Variants in CPT1B observed in about 807,000 individuals in gnomAD.
The protein encoded by CPT1B is carnitine O-palmitoyltransferase 1, muscle isoform.
Under a neutral mutation model 92.7 loss-of-function variants are expected in CPT1B, and 57 were observed. The ratio of observed to expected loss-of-function variants is 0.62; its 90% CI spans 0.50 to 0.77. The LOEUF is 0.77. Among genes scored for constraint, CPT1B ranks in the 30% least tolerant of loss-of-function variants. The pLI is 0.00. For missense variants in CPT1B, 983 were observed against 1,017.4 expected (o/e 0.97, Z 0.46); for synonymous variants, 398 against 383.5 (o/e 1.04, Z -0.44).
At chr22:50,576,005 G>A (rs746639245) in intron 7 of CPT1B, 30 bp downstream of exon 7, 22 of 1,605,432 alleles carry the variant, frequency 1.4e-5, no homozygotes, top group Non-Finnish European at 1.7e-5. Flanking sequence ...AGCTGAGCAC[G>A]TGCGGGGACC....
chr22:50,576,471 T>C (rs2070442057), intron 5 of CPT1B, 65 bp downstream of exon 5: 1 of 1,596,872 alleles, frequency 6.3e-7, no homozygotes, highest in Non-Finnish European at 8.6e-7. Context: ...CAGAACCTTA[T>C]ATTTGGAAAC....
chr22:50,572,975 A>G lies in CPT1B; in HGVS notation c.1252T>C (p.Phe418Leu), dbSNP rs992745003. Residue 418 changes from phenylalanine to leucine, a missense_variant, in exon 11 of 20, where the codon TTC (phenylalanine) becomes CTC (leucine). Transcript: ENST00000312108. ...ALEAIERAAFFVALDEESYSY... is the reference protein window; with the variant it reads ...ALEAIERAAFLVALDEESYSY... ...TAGGATTCCTCATCCAGGGCCACGA[A>G]GAAAGCGGCACGCTCGATGGCCTCC... 2 of 1,613,658 alleles carry G rather than the reference A, an allele frequency of 1.2e-6. No homozygotes were observed. The highest frequency in any genetic ancestry group is 2.7e-5 in the African/African-American group (2 of 74,928).
At position 50,577,907 on chromosome 22, in the gene CPT1B, T is replaced by C. The variant is rs2070536396; in HGVS notation, c.9A>G (p.Glu3=). The change falls in exon 2 of 20, where the codon GAA becomes GAG. Residue 3 remains glutamate (E), a synonymous_variant. Transcript: ENST00000312108. MA[E]AHQAVAFQFT... is the part of the protein sequence containing the mutation. ...ACTGGAAGGCCACGGCCTGGTGAGC[T>C]TCCGCCATCCTGGGGGTTGGTCGGC... 6.2e-7 allele frequency: 1 copy of C among 1,610,060 alleles called. No individual in the cohort carries two copies. The highest frequency in any genetic ancestry group is 1.1e-5 in the South Asian group (1 of 91,048).
rs753963691 is a variant in CPT1B at position 50,571,488 on chromosome 22, C to T, written c.1627G>A (p.Asp543Asn). The change falls in exon 14 of 20, where the codon GAC becomes AAC. Residue 543 changes from aspartate (D) to asparagine (N), a missense_variant. Transcript: ENST00000312108. ...SYQVAKALAD[D>N]VELYCFQFLP... is the part of the protein sequence containing the mutation. ...AACTGGAAGCAGTACAACTCCACGT[C>T]GTCTGCCAACGCCTTGGCCACCTGG... 10 of 1,613,598 alleles carry T rather than the reference C, an allele frequency of 6.2e-6. No homozygotes were observed. The highest frequency in any genetic ancestry group is 1.3e-5 in the African/African-American group (1 of 75,058).
At chr22:50,571,880 T>G in intron 13 of CPT1B, 126 bp downstream of exon 13, 1 of 925,052 alleles carries the variant, frequency 1.1e-6, no homozygotes, top group Admixed American at 1.8e-5. Context: ...AGACGTGCCC[T>G]GTGCCTTCCC....
At chr22:50,575,799 G>A (rs576689249) in intron 7 of CPT1B, among the ~76,000 whole-genome samples, 20 of 152,300 alleles carry the variant, frequency 1.3e-4, no homozygotes, top group African/African-American at 4.3e-4. Context: ...TCTGAGAAGC[G>A]GTGGCAGGCT....
In CPT1B at chr22:50,569,207, G is replaced by A. The variant is rs111633396; in HGVS notation, c.*3-126C>T. 3.2e-3 allele frequency: 2,634 copies of A among 823,614 alleles called. 55 individuals are homozygous for A. In the African/African-American group the frequency reaches 0.041, roughly 13 times the overall value. 51.0% of individuals were successfully genotyped at this position (823,614 alleles called of 1,614,324 possible). ...CCTCAGGGAGCAGCATCTGCCCAGC[G>A]AGGACCTGCTGCCGGAGCTGTCCTT... On this transcript the variant is annotated intron_variant, in intron 19 of 19. Coordinates refer to ENST00000312108, the MANE Select transcript of CPT1B (RefSeq NM_152246.3).
intron 1 of CPT1B, 100 bp from the exon 2 acceptor site, chr22:50,578,034 C>A (rs982744399): frequency 2.7e-5 from 20 of 746,494 alleles, no homozygotes; most frequent in South Asian, 6.5e-5. Flanking sequence ...TCGCGCCCCC[C>A]ACCCCGCGAC....
intron 13 of CPT1B, 180 bp downstream of exon 13, chr22:50,571,826 T>C: frequency 2.8e-6 from 2 of 712,646 alleles, no homozygotes; most frequent in Non-Finnish European, 4.8e-6. Flanking sequence ...CGGTGGGTGG[T>C]CTCTGTCCTC....
chr22:50,571,863 TA>T, intron 13 of CPT1B, 142 bp downstream of exon 13: 1 of 817,910 alleles, frequency 1.2e-6, no homozygotes, highest in Non-Finnish European at 2.0e-6. Flanking sequence ...ACTCTACAGG[TA>T]TCCTGAGACG....
chr22:50,571,271 T>G lies in CPT1B; in HGVS notation c.1762A>C (p.Thr588Pro), dbSNP rs1391411397. The change falls in exon 15 of 20, where the codon ACC becomes CCC. Residue 588 changes from threonine (T) to proline (P), a missense_variant. By Grantham distance (38) the Thr-to-Pro change is conservative. Coordinates refer to ENST00000312108, the MANE Select transcript of CPT1B (RefSeq NM_152246.3). ...HFRDRGKFCL[T>P]YEASMTRMFR... ...ATTCTGGTCATTGAGGCCTCATAGG[T>G]CAGGCAGAACTTACCCCTGTCCTGG... 2 of 1,613,860 alleles carry G rather than the reference T, an allele frequency of 1.2e-6. No homozygotes were observed. The highest frequency in any genetic ancestry group is 1.7e-6 in the Non-Finnish European group (2 of 1,180,010).
Position 50,570,320 on chromosome 22 carries a change from G to A in CPT1B, c.2115C>T (p.His705=), listed in dbSNP as rs1300801478. The change falls in exon 17 of 20, where the codon CAC becomes CAT. Residue 705 remains histidine (H), a synonymous_variant. Transcript: ENST00000312108. The part of the protein sequence containing the change: ...RMFDPEQHPN[H]LGAGGGFGPV... The stretch of plus-strand genomic sequence containing the variant: ...GGCCAAAGCCACCTCCAGCGCCCAG[G>A]TGATTGGGGTGCTGCTCTGGGTCGA... The A allele has an allele frequency of 6.3e-7, 1 of 1,597,822 alleles. No individual in the cohort carries two copies. Among genetic ancestry groups the A allele is most frequent in the South Asian group, 1.1e-5 (1 of 89,440 alleles).
intron 17 of CPT1B, 152 bp from the exon 18 acceptor site, chr22:50,569,820 CTG>C (rs1424005353): frequency 2.4e-5 from 16 of 677,118 alleles, no homozygotes; most frequent in Admixed American, 5.2e-5. Context: ...CCCCAGGAAA[CTG>C]TGAAAACCAA....
At chr22:50,577,244 C>T (rs2070487324) in intron 3 of CPT1B, 80 bp downstream of exon 3, 1 of 1,573,480 alleles carries the variant, frequency 6.4e-7, no homozygotes, top group Non-Finnish European at 8.7e-7. Flanking sequence ...CTGTATCTGC[C>T]CAGCTCAGGA....
chr22:50,576,372 G>A, intron 5 of CPT1B, 37 bp from the exon 6 acceptor site: 14 of 1,613,514 alleles, frequency 8.7e-6, no homozygotes, highest in Non-Finnish European at 1.2e-5. Context: ...GGGCCAGATG[G>A]CAAGGGCTGC....
Position 50,577,972 on chromosome 22 carries a change from G to A in CPT1B, c.-19-38C>T, listed in dbSNP as rs1374786904. On this transcript the variant is annotated intron_variant, in intron 1 of 19. Transcript: ENST00000312108. ...CAGATGGGTGCGCGGGCGCGCTTAG[G>A]CCGGCCCCGCCGCCAGCCGCGCCGA... The A allele has an allele frequency of 2.7e-6, 4 of 1,472,932 alleles. No homozygotes were observed. In the East Asian group the frequency reaches 9.8e-5, roughly 36 times the overall value. 91.2% of individuals were successfully genotyped at this position (1,472,932 alleles called of 1,614,324 possible).
chr22:50,571,951 TG>T, intron 13 of CPT1B, 54 bp downstream of exon 13: 1 of 1,522,724 alleles, frequency 6.6e-7, no homozygotes. Flanking sequence ...TCGTCGGGGC[TG>T]TACCCACCTG....
Position 50,571,165 on chromosome 22 carries a change from GA to G in CPT1B, c.1867del (p.Ser623ProfsTer26), listed in dbSNP as rs2070149314. ...TAFVQAMMEG[S>X]HTKADLRDLF... ...TGGGCAGAGGACACTTACTGTGTGG[GA>G]CCCCTCCATCATGGCCTGCACAAAG... On this transcript the variant is annotated frameshift_variant, in exon 15 of 20. Transcript: ENST00000312108. LOFTEE classifies it high-confidence loss of function. The G allele has an allele frequency of 6.2e-7, 1 of 1,614,134 alleles. No individual in the cohort carries two copies. Among genetic ancestry groups the G allele is most frequent in the Non-Finnish European group, 8.5e-7 (1 of 1,180,006 alleles).
chr22:50,569,695 G>A lies in CPT1B; in HGVS notation c.2143-27C>T, dbSNP rs555188913. 5 of 1,569,228 alleles carry A rather than the reference G, an allele frequency of 3.2e-6. No individual in the cohort carries two copies. The Admixed American group carries it at 5.0e-5, about 16-fold the overall frequency. ...TGAGGGCAACAAGAAGGGTGAAGAA[G>A]GCATAAATCAAACCTTGAAGATCTG... On this transcript the variant is annotated intron_variant, in intron 17 of 19. Transcript: ENST00000312108.
Sources: allele counts gnomAD v4.1 joint callset (sites outside exome capture counted in the v4.1 genomes callset), GRCh38; gene constraint gnomAD v4.1.1; transcripts MANE v1.5; gene names NCBI Gene and HGNC (gene_info 2026-07-23, HGNC 2026-07-21).